NXPH2: variants seen among roughly 807,000 people sequenced by gnomAD.
NXPH2 encodes the protein neurexophilin-2.
NXPH2 carries 5 observed loss-of-function variants against 19.8 expected under a neutral mutation model. The observed-to-expected ratio is 0.25, with a 90% CI of 0.13 to 0.53. The LOEUF (loss-of-function observed/expected upper bound fraction) is 0.53, where lower values mean the gene tolerates loss of function less well. NXPH2 is among the 20% of genes least tolerant of loss of function. The pLI is 0.96. For missense variants in NXPH2, 289 were observed against 322.8 expected (o/e 0.90, Z 0.80); for synonymous variants, 154 against 127.4 (o/e 1.21, Z -1.41).
At chr2:138,748,922 T>C (rs1465054459) in intron 1 of NXPH2, among the ~76,000 whole-genome samples, 1 of 152,212 alleles carries the variant, frequency 6.6e-6, no homozygotes, top group Non-Finnish European at 1.5e-5. Context: ...AAAAGCAGTT[T>C]TGCATTTTTG....
chr2:138,678,666 T>A (rs976406237), intron 1 of NXPH2, among the ~76,000 whole-genome samples: 7 of 152,208 alleles, frequency 4.6e-5, no homozygotes, highest in Admixed American at 4.6e-4. Flanking sequence ...TGCTATTTTA[T>A]TTTTATTTAA....
chr2:138,747,709 C>T (rs1351511665), intron 1 of NXPH2, among the ~76,000 whole-genome samples: 2 of 152,198 alleles, frequency 1.3e-5, no homozygotes, highest in East Asian at 3.9e-4. Flanking sequence ...GCCTACCCTT[C>T]CTGTTACATA....
chr2:138,730,591 C>T (rs57378218), intron 1 of NXPH2, among the ~76,000 whole-genome samples: 1 of 152,062 alleles, frequency 6.6e-6, no homozygotes, highest in Non-Finnish European at 1.5e-5. Flanking sequence ...AGGGCAGAGA[C>T]CATTTGTATA....
intron 1 of NXPH2, among the ~76,000 whole-genome samples, chr2:138,676,119 A>G (rs905294402): frequency 6.6e-6 from 1 of 152,220 alleles, no homozygotes; most frequent in African/African-American, 2.4e-5. Flanking sequence ...ACTTTAAAAT[A>G]CACGTACAGT....
chr2:138,755,338 T>C (rs938588829), intron 1 of NXPH2, among the ~76,000 whole-genome samples: 3 of 152,130 alleles, frequency 2.0e-5, no homozygotes, highest in Non-Finnish European at 4.4e-5. Flanking sequence ...TGTTTTGAAT[T>C]ACTGCTGTGA....
chr2:138,760,214 A>G (rs1681988717), intron 1 of NXPH2, among the ~76,000 whole-genome samples: 1 of 152,208 alleles, frequency 6.6e-6, no homozygotes, highest in Non-Finnish European at 1.5e-5. Context: ...ACAGGGTGAC[A>G]GAACAATAAG....
At chr2:138,755,472 C>G (rs1681892429) in intron 1 of NXPH2, among the ~76,000 whole-genome samples, 1 of 152,120 alleles carries the variant, frequency 6.6e-6, no homozygotes, top group Non-Finnish European at 1.5e-5. Context: ...CAAAAATCAG[C>G]TGACTATATT....
intron 1 of NXPH2, among the ~76,000 whole-genome samples, chr2:138,776,157 G>T (rs747442615): frequency 1.3e-5 from 2 of 152,076 alleles, no homozygotes; most frequent in East Asian, 3.9e-4. Context: ...AAAGGTGGGC[G>T]GTGTCTTATA....
chr2:138,771,899 A>G (rs1316357560), intron 1 of NXPH2, among the ~76,000 whole-genome samples: 2 of 152,236 alleles, frequency 1.3e-5, no homozygotes. Context: ...AACATCCACT[A>G]CAATATTACT....
intron 1 of NXPH2, among the ~76,000 whole-genome samples, chr2:138,761,666 C>A (rs1682020288): frequency 1.3e-5 from 2 of 152,116 alleles, no homozygotes. Flanking sequence ...GGCTTTAGTA[C>A]CCAAGTACAC....
chr2:138,694,976 G>A (rs1339425074), intron 1 of NXPH2, among the ~76,000 whole-genome samples: 5 of 152,160 alleles, frequency 3.3e-5, no homozygotes, highest in Non-Finnish European at 1.5e-5. Flanking sequence ...AACTGTTGCT[G>A]TACTGAATAC....
At chr2:138,737,916 CTT>C (rs74363159) in intron 1 of NXPH2, among the ~76,000 whole-genome samples, 2 of 145,094 alleles carry the variant, frequency 1.4e-5, no homozygotes, top group African/African-American at 5.0e-5. Context: ...CCTTCATTTT[CTT>C]TTTTTTTTTT....
At chr2:138,753,955 C>T (rs1377288475) in intron 1 of NXPH2, among the ~76,000 whole-genome samples, 3 of 152,054 alleles carry the variant, frequency 2.0e-5, no homozygotes, top group Admixed American at 6.6e-5. Flanking sequence ...GATCAGGAAA[C>T]ATCACCCCCT....
At chr2:138,686,373 T>C (rs1191916782) in intron 1 of NXPH2, among the ~76,000 whole-genome samples, 3 of 152,154 alleles carry the variant, frequency 2.0e-5, no homozygotes, top group Non-Finnish European at 2.9e-5. Flanking sequence ...GAAGAGGCAC[T>C]GTCTCTCTCT....
intron 1 of NXPH2, among the ~76,000 whole-genome samples, chr2:138,749,993 A>G (rs1210757040): frequency 6.6e-6 from 1 of 152,204 alleles, no homozygotes; most frequent in Non-Finnish European, 1.5e-5. Context: ...CAAATAAGAC[A>G]AAGAAAATAG....
At chr2:138,693,616 A>T (rs895443202) in intron 1 of NXPH2, among the ~76,000 whole-genome samples, 14 of 151,920 alleles carry the variant, frequency 9.2e-5, no homozygotes, top group African/African-American at 3.4e-4. Flanking sequence ...GTGACTCTCT[A>T]GAAGCAATAA....
At chr2:138,776,120 G>A (rs1393613033) in intron 1 of NXPH2, among the ~76,000 whole-genome samples, 1 of 152,030 alleles carries the variant, frequency 6.6e-6, no homozygotes, top group Non-Finnish European at 1.5e-5. Flanking sequence ...ATCATTCAAG[G>A]TGTATTGATT....
At chr2:138,685,077 A>T (rs899215648) in intron 1 of NXPH2, among the ~76,000 whole-genome samples, 2 of 152,174 alleles carry the variant, frequency 1.3e-5, no homozygotes, top group African/African-American at 4.8e-5. Context: ...CAGACCAATC[A>T]GTTGATTTTA....
At chr2:138,739,064 G>T (rs1421094377) in intron 1 of NXPH2, among the ~76,000 whole-genome samples, 1 of 152,222 alleles carries the variant, frequency 6.6e-6, no homozygotes, top group African/African-American at 2.4e-5. Flanking sequence ...CACCATGGAT[G>T]TAGGATGGTG....
Sources: allele counts gnomAD v4.1 joint callset (sites outside exome capture counted in the v4.1 genomes callset), GRCh38; gene constraint gnomAD v4.1.1; transcripts MANE v1.5; gene names NCBI Gene and HGNC (gene_info 2026-07-23, HGNC 2026-07-21).